Variants in WDR64 observed in about 807,000 individuals in gnomAD.
WDR64 encodes WD repeat domain 64, also known as WD repeat-containing protein 64.
Under a neutral mutation model 139.3 loss-of-function variants are expected in WDR64, and 112 were observed. That is an observed-to-expected ratio of 0.80 (90% CI 0.69 to 0.94). The LOEUF is 0.94. WDR64 is among the 40% of genes least tolerant of loss of function. WDR64 has a pLI of 0.00. For missense variants in WDR64, 1,206 were observed against 1,293.1 expected, an observed-to-expected ratio of 0.93 and a Z score of 1.03; for synonymous variants, 444 against 437.7, an observed-to-expected ratio of 1.01 and a Z score of -0.18.
rs779016615 is a variant in WDR64, at chr1:241,780,006, G to A, written c.2539G>A (p.Gly847Arg). ...TCCAATGTTTAAATTTTATACAGAA[G>A]GACATGTTATCCTTTGCAATATTAG... ...TRILLAGNVE[G>R]HVILCNISSF... Residue 847 changes from glycine (G) to arginine (R), a missense_variant and splice_region_variant, in exon 22 of 28, where the codon GGA becomes AGA. Transcript: ENST00000437684. 1.3e-6 allele frequency: 2 copies of A among 1,588,492 alleles called. No homozygotes were observed. Among genetic ancestry groups the A allele is most frequent in the East Asian group, 2.3e-5 (1 of 43,366 alleles).
rs144177003 is a variant in WDR64 at position 241,687,359 on chromosome 1, T to C, written c.840-102T>C. 514 of 1,407,974 alleles carry C rather than the reference T, an allele frequency of 3.7e-4. 4 individuals are homozygous for C. In the East Asian group the frequency reaches 7.6e-3, roughly 21 times the overall value. The allele number at this position is 1,407,974 out of a possible 1,614,324, so 87.2% of individuals were successfully genotyped here. A position where few individuals can be genotyped will look rare whatever the true frequency, so the allele number is the denominator to read the frequency against. On this transcript the variant is annotated intron_variant, in intron 7 of 27. Coordinates refer to ENST00000437684, the MANE Select transcript of WDR64 (RefSeq NM_001367482.1). Reference sequence around the variant, plus strand: ...CATTGGGCTGTATTCTACATTTGGGTTTAGTACAATTCAGTTACAGTCAAA... The same window carrying C: ...CATTGGGCTGTATTCTACATTTGGGCTTAGTACAATTCAGTTACAGTCAAA...
intron 8 of WDR64, among the ~76,000 whole-genome samples, chr1:241,693,006 T>G (rs1039059199): frequency 4.6e-5 from 7 of 152,164 alleles, no homozygotes; most frequent in African/African-American, 1.7e-4. Context: ...GCTTGACCGT[T>G]TCTTAAGAAA....
intron 9 of WDR64, among the ~76,000 whole-genome samples, chr1:241,719,953 T>C (rs1668545240): frequency 6.6e-6 from 1 of 152,128 alleles, no homozygotes; most frequent in African/African-American, 2.4e-5. Flanking sequence ...CCTGATCCTC[T>C]CTCTTCCTCA....
intron 8 of WDR64, among the ~76,000 whole-genome samples, chr1:241,705,114 C>A (rs1225554460): frequency 6.6e-6 from 1 of 152,184 alleles, no homozygotes; most frequent in Non-Finnish European, 1.5e-5. Context: ...TGGGGAAACG[C>A]ATCTAGCTCC....
At chr1:241,686,062 G>A (rs6429289) in intron 7 of WDR64, among the ~76,000 whole-genome samples, 125,866 of 152,160 alleles carry the variant, frequency 0.83, 52,241 homozygotes, top group Non-Finnish European at 0.86. Flanking sequence ...AATTCATGTT[G>A]GTTCTTGTGG....
chr1:241,784,326 G>A (rs920486565), intron 23 of WDR64, among the ~76,000 whole-genome samples: 3 of 152,180 alleles, frequency 2.0e-5, no homozygotes, highest in Non-Finnish European at 4.4e-5. Flanking sequence ...CAAAGAGACC[G>A]GTTTGAAGTC....
chr1:241,761,142 C>T (rs556763063), intron 15 of WDR64, among the ~76,000 whole-genome samples: 64 of 152,084 alleles, frequency 4.2e-4, no homozygotes, highest in Non-Finnish European at 7.5e-4. Context: ...AACTTTTGAA[C>T]TTTTTCAAAT....
At chr1:241,715,115 T>C (rs907172133) in intron 9 of WDR64, among the ~76,000 whole-genome samples, 1 of 152,282 alleles carries the variant, frequency 6.6e-6, no homozygotes, top group Admixed American at 6.5e-5. Context: ...GGAAGGCATA[T>C]GGATAAGAAG....
At chr1:241,673,931 C>G (rs1209495708) in intron 3 of WDR64, among the ~76,000 whole-genome samples, 6 of 151,782 alleles carry the variant, frequency 4.0e-5, no homozygotes, top group African/African-American at 1.5e-4. Context: ...ATGCGTAAAC[C>G]ACAATGGTGA....
Position 241,677,215 on chromosome 1 carries a change from T to C in WDR64, c.484-972T>C, listed in dbSNP as rs150688690. ...AGGATTATGAAACTTTTAAAGAAGCTGAGAGGACTTTAAACAGGTGACTTC... is the reference window on the plus strand; with the variant it reads ...AGGATTATGAAACTTTTAAAGAAGCCGAGAGGACTTTAAACAGGTGACTTC... On this transcript the variant is annotated intron_variant, in intron 4 of 27. Transcript: ENST00000437684. 626 of 397,246 alleles carry C rather than the reference T, an allele frequency of 1.6e-3. 8 individuals are homozygous for C. The highest frequency in any genetic ancestry group is 0.011 in the African/African-American group (557 of 48,740). The allele number at this position is 397,246 out of a possible 1,614,324, so 24.6% of individuals were successfully genotyped here.
intron 15 of WDR64, among the ~76,000 whole-genome samples, chr1:241,765,405 T>C (rs1658108416): frequency 6.6e-6 from 1 of 151,898 alleles, no homozygotes; most frequent in African/African-American, 2.4e-5. Context: ...GTATTTGAGA[T>C]AAACCCCAAA....
At chr1:241,720,741 C>A (rs1288417413) in intron 9 of WDR64, among the ~76,000 whole-genome samples, 1 of 152,124 alleles carries the variant, frequency 6.6e-6, no homozygotes, top group Non-Finnish European at 1.5e-5. Context: ...TTCTCCCATT[C>A]TGTAGGTTGT....
chr1:241,666,286 G>A lies in WDR64; in HGVS notation c.277-4788G>A, dbSNP rs575392310. 5.3e-5 allele frequency among the ~76,000 whole-genome samples: 8 copies of A among 152,260 alleles called. No homozygotes were observed. The South Asian group carries it at 1.7e-3, about 32-fold the overall frequency. ...CTCATCACAGGAGAAACGGGTATTT[G>A]CTGCTCTTTAACAGCATTATTTGCT... On this transcript the variant is annotated intron_variant, in intron 2 of 27. Coordinates refer to ENST00000437684, the MANE Select transcript of WDR64 (RefSeq NM_001367482.1).
chr1:241,782,944 C>T (rs1658902659), intron 22 of WDR64, among the ~76,000 whole-genome samples: 1 of 152,176 alleles, frequency 6.6e-6, no homozygotes, highest in Non-Finnish European at 1.5e-5. Flanking sequence ...CCCCTCCAAC[C>T]TTCTCCTAAA....
At chr1:241,792,605 C>T (rs1659242474) in intron 25 of WDR64, among the ~76,000 whole-genome samples, 1 of 151,994 alleles carries the variant, frequency 6.6e-6, no homozygotes, top group African/African-American at 2.4e-5. Context: ...ATGGAAAGAA[C>T]TCCTAAAATC....
chr1:241,794,832 G>T (rs539993802), intron 25 of WDR64, among the ~76,000 whole-genome samples: 2 of 152,130 alleles, frequency 1.3e-5, no homozygotes, highest in South Asian at 4.2e-4. Flanking sequence ...TACCTCAGTT[G>T]GTTGGTAAAA....
At chr1:241,685,596 A>G (rs1008664236) in intron 7 of WDR64, among the ~76,000 whole-genome samples, 1 of 152,220 alleles carries the variant, frequency 6.6e-6, no homozygotes, top group Non-Finnish European at 1.5e-5. Context: ...ACATTAAAAA[A>G]TGGATTATAC....
Position 241,711,863 on chromosome 1 carries a change from A to G in WDR64, c.1036A>G (p.Asn346Asp). The G allele has an allele frequency of 6.2e-7, 1 of 1,614,188 alleles. No homozygotes were observed. Among genetic ancestry groups the G allele is most frequent in the Non-Finnish European group, 8.5e-7 (1 of 1,180,034 alleles). The change falls in exon 9 of 28, where the codon AAT becomes GAT. Residue 346 changes from asparagine (N) to aspartate (D), a missense_variant. Physicochemically the swap from Asn to Asp is conservative, Grantham distance 23 (BLOSUM62 1). Transcript: ENST00000437684. ...CACTTTTTGCTACTGTGTTAAGGCA[A>G]ATGTGATTGTCACTGGAGGTGAGAG... is the stretch of plus-strand genomic sequence containing the variant. Reference protein sequence around the residue: ...ANTFCYCVKANVIVTGGDDKV... With the variant: ...ANTFCYCVKADVIVTGGDDKV...
At position 241,801,184 on chromosome 1, in the gene WDR64, C is replaced by A; in HGVS notation, c.3245C>A (p.Ala1082Asp). 9 of 1,613,816 alleles carry A rather than the reference C, an allele frequency of 5.6e-6. No individual in the cohort carries two copies. The highest frequency in any genetic ancestry group is 7.6e-6 in the Non-Finnish European group (9 of 1,179,860). ...KKNLVPQINL[A>D]SSFFPAIPK ...AATTTAGTCCCACAAATAAATCTGGCTTCTTCCTTCTTCCCAGCTATACCC... is the reference window on the plus strand; with the variant it reads ...AATTTAGTCCCACAAATAAATCTGGATTCTTCCTTCTTCCCAGCTATACCC... The change falls in exon 28 of 28, where the codon GCT becomes GAT. Residue 1082 changes from alanine (A) to aspartate (D), a missense_variant. Ala to Asp is a moderately radical substitution (Grantham distance 126, BLOSUM62 -2). Transcript: ENST00000437684.
Sources: allele counts gnomAD v4.1 joint callset (sites outside exome capture counted in the v4.1 genomes callset), GRCh38; gene constraint gnomAD v4.1.1; transcripts MANE v1.5; gene names NCBI Gene and HGNC (gene_info 2026-07-23, HGNC 2026-07-21).